The following CHIC2 variants were observed in gnomAD, a reference collection of about 807,000 sequenced individuals.
CHIC2 encodes cysteine-rich hydrophobic domain-containing protein 2.
A neutral mutation model predicts 25.9 loss-of-function variants in CHIC2; 14 were observed. That is an observed-to-expected ratio of 0.54 (90% confidence interval 0.36 to 0.85). The LOEUF is 0.85. Ranked by LOEUF, CHIC2 falls within the 40% of genes least tolerant of loss-of-function variation. The pLI, the probability that CHIC2 is intolerant of heterozygous loss-of-function variation, is 0.01. For synonymous variants in CHIC2, 70 were observed against 72.0 expected, an observed-to-expected ratio of 0.97 and a Z score of 0.14; for missense variants, 146 against 202.0, an observed-to-expected ratio of 0.72 and a Z score of 1.68.
intron 1 of CHIC2, chr4:54,060,326 G>C (rs1370439383): frequency 6.6e-6 from 1 of 152,164 alleles, no homozygotes; most frequent in Non-Finnish European, 1.5e-5. Flanking sequence ...AAAAACTGGT[G>C]TTGAAGGATA....
the CHIC2 span, among the ~76,000 whole-genome samples, chr4:54,075,426 T>A: frequency 6.6e-6 from 1 of 152,216 alleles, no homozygotes; most frequent in Non-Finnish European, 1.5e-5. Context: ...GCTATTATCT[T>A]TTTATGCTGT....
the CHIC2 span, among the ~76,000 whole-genome samples, chr4:54,079,806 A>AT: frequency 6.6e-6 from 1 of 152,056 alleles, no homozygotes; most frequent in Non-Finnish European, 1.5e-5. Flanking sequence ...AAAAATAAAA[A>AT]TTTTTTAAAA....
At position 54,014,063 on chromosome 4, in the gene CHIC2, C is replaced by T; in HGVS notation, c.387G>A (p.Lys129=). 6.2e-7 allele frequency: 1 copy of T among 1,613,268 alleles called. No individual in the cohort carries two copies. Among genetic ancestry groups the T allele is most frequent in the Non-Finnish European group, 8.5e-7 (1 of 1,179,448 alleles). Residue 129 remains lysine (K), a splice_region_variant and synonymous_variant, in exon 4 of 6, where the codon AAG becomes AAA. Transcript: ENST00000263921. ...CGAAGCTGCTCCCTGTGGTACTCAC[C>T]TTGTGGTATAACCTATTGTTTTCCC... ...LEWENNRLYH[K]LCLHWRLSKR...
At chr4:54,033,921 T>C (rs1188952093) in intron 3 of CHIC2, among the ~76,000 whole-genome samples, 1 of 152,154 alleles carries the variant, frequency 6.6e-6, no homozygotes, top group East Asian at 1.9e-4. Flanking sequence ...TAATTATGTC[T>C]TGAAATTGGG....
upstream of CHIC2, among the ~76,000 whole-genome samples, chr4:54,068,076 C>A (rs551886220): frequency 2.0e-5 from 3 of 152,042 alleles, no homozygotes; most frequent in African/African-American, 4.8e-5. Context: ...AGATAGTTTT[C>A]GATCTCTCTG....
At chr4:54,064,994 C>T (rs1366508620), upstream of CHIC2, among the ~76,000 whole-genome samples, 1 of 152,254 alleles carries the variant, frequency 6.6e-6, no homozygotes, top group Non-Finnish European at 1.5e-5. The surrounding 1 kb of genome is among the most constrained non-coding windows in gnomAD (Gnocchi z 4.2). Context: ...AAAGCCCTGG[C>T]TGGAATAGAC....
chr4:54,091,853 T>C, the CHIC2 span, among the ~76,000 whole-genome samples: 4 of 152,102 alleles, frequency 2.6e-5, no homozygotes, highest in African/African-American at 9.7e-5. Flanking sequence ...CTTCGCTCTT[T>C]ACACGAGCTT....
intron 1 of CHIC2, among the ~76,000 whole-genome samples, chr4:54,059,408 A>C (rs1029447993): frequency 5.3e-5 from 8 of 152,034 alleles, no homozygotes; most frequent in African/African-American, 1.9e-4. Flanking sequence ...TAGGCATAGC[A>C]GCGTGTACCT....
Position 54,064,262 on chromosome 4 carries a change from G to A in CHIC2, c.39C>T (p.Asp13=), listed in dbSNP as rs763714001. The change falls in exon 1 of 6, where the codon GAC becomes GAT. Residue 13 remains aspartate (D), a synonymous_variant. Coordinates refer to ENST00000263921, the MANE Select transcript of CHIC2 (RefSeq NM_012110.4). This position sits in a 1 kb window ranked among gnomAD's most constrained non-coding sequence, Gnocchi z 4.2. ...GCTGCTCCTCCAGGGCCCGCTCCTC[G>A]TCCTCCTCTTCCTCATAGATTTCGT... ...DFDEIYEEEE[D]EERALEEQLL... The A allele has an allele frequency of 1.7e-5, 27 of 1,612,088 alleles. No individual in the cohort carries two copies. The highest frequency in any genetic ancestry group is 2.2e-5 in the South Asian group (2 of 90,754).
At chr4:54,026,191 T>C (rs1716052816) in intron 3 of CHIC2, among the ~76,000 whole-genome samples, 1 of 152,174 alleles carries the variant, frequency 6.6e-6, no homozygotes, top group African/African-American at 2.4e-5. Flanking sequence ...GTTCTTTTCA[T>C]CATGCTATAG....
intron 1 of CHIC2, among the ~76,000 whole-genome samples, chr4:54,052,425 T>C (rs954369917): frequency 6.6e-6 from 1 of 152,186 alleles, no homozygotes; most frequent in African/African-American, 2.4e-5. Context: ...CATAAAACTT[T>C]TTATATATGG....
intron 3 of CHIC2, among the ~76,000 whole-genome samples, chr4:54,032,128 A>G (rs896597372): frequency 6.6e-6 from 1 of 152,212 alleles, no homozygotes; most frequent in Non-Finnish European, 1.5e-5. Flanking sequence ...AAAATATGCA[A>G]TATTTTTAAT....
intron 5 of CHIC2, among the ~76,000 whole-genome samples, chr4:54,011,731 G>C (rs563588957): frequency 6.6e-6 from 1 of 151,722 alleles, no homozygotes; most frequent in Non-Finnish European, 1.5e-5. Flanking sequence ...TTTTCCTTCA[G>C]AAGCCACACA....
chr4:54,071,242 A>G, the CHIC2 span, among the ~76,000 whole-genome samples: 1 of 152,220 alleles, frequency 6.6e-6, no homozygotes, highest in African/African-American at 2.4e-5. Flanking sequence ...AAATGTTCCA[A>G]TGAGCTTTTC....
chr4:54,049,889 T>C (rs560121266), intron 1 of CHIC2, among the ~76,000 whole-genome samples: 62 of 152,310 alleles, frequency 4.1e-4, no homozygotes, highest in Middle Eastern at 3.4e-3. Flanking sequence ...AAAGAAAATG[T>C]AGACGTGTAC....
At chr4:54,018,844 A>T (rs1232695471) in intron 3 of CHIC2, among the ~76,000 whole-genome samples, 1 of 152,048 alleles carries the variant, frequency 6.6e-6, no homozygotes, top group Non-Finnish European at 1.5e-5. Flanking sequence ...ATACCATCAC[A>T]AAATGGGAAA....
At chr4:54,051,740 G>A (rs946068796) in intron 1 of CHIC2, among the ~76,000 whole-genome samples, 2 of 152,020 alleles carry the variant, frequency 1.3e-5, no homozygotes, top group African/African-American at 4.8e-5. Flanking sequence ...TTTCTACCTC[G>A]CTTCAGGCTC....
the CHIC2 span, among the ~76,000 whole-genome samples, chr4:54,074,164 A>G: frequency 6.6e-6 from 1 of 152,168 alleles, no homozygotes; most frequent in Non-Finnish European, 1.5e-5. Flanking sequence ...TCTCAAAAAA[A>G]AAAAGTCATA....
Position 54,023,441 on chromosome 4 carries a change from A to T in CHIC2, c.331-9322T>A, listed in dbSNP as rs1560383917. On this transcript the variant is annotated intron_variant, in intron 3 of 5. Transcript: ENST00000263921. Reference sequence around the variant, plus strand: ...TCTGCTCCCCGGCTCCTTCAGCTATACTCACTCTTTGGGTCTCCCACAATT... The same window carrying T: ...TCTGCTCCCCGGCTCCTTCAGCTATTCTCACTCTTTGGGTCTCCCACAATT... 1.3e-5 allele frequency among the ~76,000 whole-genome samples: 2 copies of T among 151,966 alleles called. 1 individual carries two copies. The highest frequency in any genetic ancestry group is 4.8e-5 in the African/African-American group (2 of 41,382).
Sources: allele counts gnomAD v4.1 joint callset (sites outside exome capture counted in the v4.1 genomes callset), GRCh38; gene constraint gnomAD v4.1.1; non-coding constraint Gnocchi (gnomAD v3.1); transcripts MANE v1.5; gene names NCBI Gene and HGNC (gene_info 2026-07-23, HGNC 2026-07-21).